PDGFD: variants seen among roughly 807,000 people sequenced by gnomAD.
PDGFD encodes platelet derived growth factor D.
PDGFD carries 30 observed loss-of-function variants against 44.7 expected under a neutral mutation model. The observed-to-expected ratio is 0.67, with a 90% CI of 0.50 to 0.91. The LOEUF (loss-of-function observed/expected upper bound fraction) is 0.91. PDGFD is among the 40% of genes least tolerant of loss of function. The pLI, the probability that PDGFD is intolerant of heterozygous loss-of-function variation, is 0.00. For synonymous variants in PDGFD, 173 were observed against 168.4 expected (o/e 1.03, Z -0.21); for missense variants, 445 against 457.8 (o/e 0.97, Z 0.25).
chr11:104,143,713 C>T (rs972338481), intron 1 of PDGFD, among the ~76,000 whole-genome samples: 27 of 152,328 alleles, frequency 1.8e-4, no homozygotes, highest in Admixed American at 1.6e-3. Flanking sequence ...ATACATCTAG[C>T]TGCCAAAGTG....
At chr11:103,923,238 T>C (rs1858251940) in intron 6 of PDGFD, among the ~76,000 whole-genome samples, 1 of 152,118 alleles carries the variant, frequency 6.6e-6, no homozygotes, top group African/African-American at 2.4e-5. Flanking sequence ...AATGATTGTT[T>C]AGAAAGAGGA....
At position 104,164,051 on chromosome 11, in the gene PDGFD, T is replaced by C; in HGVS notation, c.-124A>G. The C allele has an allele frequency of 8.9e-7, 1 of 1,124,642 alleles. No homozygotes were observed. Among genetic ancestry groups the C allele is most frequent in the Non-Finnish European group, 1.2e-6 (1 of 834,870 alleles). 69.7% of individuals were successfully genotyped at this position (1,124,642 alleles called of 1,614,324 possible). ...CGCCCTGCGCTGGCCCGGGTCGCTG[T>C]GCTAATCGCCGAGCTCTCCCCAAAC... is the stretch of plus-strand genomic sequence containing the variant. On this transcript the variant is annotated 5_prime_UTR_variant, in exon 1 of 7. Transcript: ENST00000393158.
At chr11:104,109,395 T>G (rs997784163) in intron 1 of PDGFD, among the ~76,000 whole-genome samples, 4 of 152,106 alleles carry the variant, frequency 2.6e-5, no homozygotes, top group African/African-American at 9.7e-5. Flanking sequence ...GTTACTGAAG[T>G]GATCAAATGA....
At chr11:104,028,425 T>A (rs1860078398) in intron 1 of PDGFD, among the ~76,000 whole-genome samples, 1 of 151,194 alleles carries the variant, frequency 6.6e-6, no homozygotes, top group Admixed American at 6.6e-5. Context: ...CTCTTTTCTG[T>A]TTTTGTTTTT....
rs1260396249 is a variant in PDGFD, at chr11:103,992,339, A to C, written c.510+3726T>G. Reference sequence around the variant, plus strand: ...ACATCCCAACTTCAACAAGCAGATAAGCGTGTATCTGGAGGAGACAGATAT... The same window carrying C: ...ACATCCCAACTTCAACAAGCAGATACGCGTGTATCTGGAGGAGACAGATAT... On this transcript the variant is annotated intron_variant, in intron 3 of 6. Coordinates refer to ENST00000393158, the MANE Select transcript of PDGFD (RefSeq NM_025208.5). Among the ~76,000 whole-genome samples the C allele has an allele frequency of 2.0e-5, 3 of 152,332 alleles. No individual in the cohort carries two copies. In the East Asian group the frequency reaches 5.8e-4, roughly 29 times the overall value.
In PDGFD at chr11:103,907,787, GA is replaced by G. The variant is rs1417390145; in HGVS notation, c.*1906del. The stretch of plus-strand genomic sequence containing the variant: ...CACAGGAAACTTGCAAAGCAGTTAT[GA>G]AGAGGAAGAGCGTTCTTAATTATTA... On this transcript the variant is annotated 3_prime_UTR_variant, in exon 7 of 7. Coordinates refer to ENST00000393158, the MANE Select transcript of PDGFD (RefSeq NM_025208.5). 6.6e-6 allele frequency: 1 copy of G among 152,186 alleles called. No individual in the cohort carries two copies. The highest frequency in any genetic ancestry group is 1.5e-5 in the Non-Finnish European group (1 of 68,036). 9.4% of individuals were successfully genotyped at this position (152,186 alleles called of 1,614,324 possible).
At chr11:104,037,447 G>A (rs764852474) in intron 1 of PDGFD, 2 of 1,614,102 alleles carry the variant, frequency 1.2e-6, no homozygotes, top group South Asian at 1.1e-5. Context: ...ACTGGATCGG[G>A]AAGCTCAGGC....
At chr11:104,106,454 T>C (rs140976088) in intron 1 of PDGFD, among the ~76,000 whole-genome samples, 15 of 152,282 alleles carry the variant, frequency 9.9e-5, no homozygotes, top group African/African-American at 3.6e-4. Flanking sequence ...TTTCTAAAAA[T>C]AGGCATCATT....
chr11:103,921,269 T>C (rs1309655420), intron 6 of PDGFD, among the ~76,000 whole-genome samples: 1 of 152,200 alleles, frequency 6.6e-6, no homozygotes, highest in Non-Finnish European at 1.5e-5. Context: ...TGACTTTTAT[T>C]ATGGTTAGGT....
chr11:104,000,003 C>CT, intron 2 of PDGFD, 48 bp downstream of exon 2: 2 of 1,491,058 alleles, frequency 1.3e-6, no homozygotes, highest in Non-Finnish European at 9.3e-7. Context: ...TCATCTTTTT[C>CT]TTTTTTCACC....
chr11:103,975,105 CCCA>C (rs1219600603), intron 3 of PDGFD, among the ~76,000 whole-genome samples: 4 of 152,338 alleles, frequency 2.6e-5, no homozygotes, highest in African/African-American at 9.6e-5. Flanking sequence ...AATTTACACT[CCCA>C]CCAACAGTGG....
At chr11:103,917,557 T>C (rs1262986486) in intron 6 of PDGFD, among the ~76,000 whole-genome samples, 1 of 152,212 alleles carries the variant, frequency 6.6e-6, no homozygotes, top group African/African-American at 2.4e-5. Context: ...AACAATTCTA[T>C]AGCATTTTAC....
intron 1 of PDGFD, among the ~76,000 whole-genome samples, chr11:104,089,930 G>A (rs1211973692): frequency 6.6e-6 from 1 of 152,038 alleles, no homozygotes; most frequent in Non-Finnish European, 1.5e-5. Context: ...AGAGATTTGA[G>A]AGCCAGTTCC....
intron 1 of PDGFD, among the ~76,000 whole-genome samples, chr11:104,132,444 C>T (rs925419647): frequency 3.3e-5 from 5 of 151,994 alleles, no homozygotes; most frequent in Admixed American, 6.5e-5. Flanking sequence ...TCTTAATGAC[C>T]TCTCTTTGGG....
chr11:104,025,106 G>A (rs954635558), intron 1 of PDGFD, among the ~76,000 whole-genome samples: 5 of 152,220 alleles, frequency 3.3e-5, no homozygotes, highest in African/African-American at 1.2e-4. Flanking sequence ...CAAAGCCCAT[G>A]CCCTTAGGGC....
At chr11:103,976,289 T>C (rs1379113866) in intron 3 of PDGFD, among the ~76,000 whole-genome samples, 3 of 152,128 alleles carry the variant, frequency 2.0e-5, no homozygotes, top group African/African-American at 7.2e-5. Flanking sequence ...TTTCTCTTTG[T>C]AGCGATTGTG....
At position 104,031,907 on chromosome 11, in the gene PDGFD, G is replaced by A. The variant is rs115245601; in HGVS notation, c.125-31652C>T. On this transcript the variant is annotated intron_variant, in intron 1 of 6. Transcript: ENST00000393158. ...CTCATACAGGAACAGAAAGCCAAAC[G>A]TCTCATGTTCTCATTTATAAGTGGG... Among the ~76,000 whole-genome samples the A allele has an allele frequency of 8.8e-3, 1,345 of 152,208 alleles. 25 individuals carry two copies. Among genetic ancestry groups the A allele is most frequent in the African/African-American group, 0.03 (1,231 of 41,512 alleles).
rs1049220627 is a variant in PDGFD, at chr11:103,996,188, T to C, written c.387A>G (p.Arg129=). The change falls in exon 3 of 7, where the codon CGA becomes CGG. Residue 129 remains arginine, a synonymous_variant. Transcript: ENST00000393158. ...ISETSTIIRG[R]WCGHKEVPPR... Reference sequence around the variant, plus strand: ...GAGGAACTTCCTTGTGTCCACACCATCGTCCTCTAATAATGGTACTGGTTT... The same window carrying C: ...GAGGAACTTCCTTGTGTCCACACCACCGTCCTCTAATAATGGTACTGGTTT... 5.0e-6 allele frequency: 8 copies of C among 1,613,392 alleles called. No individual in the cohort carries two copies. The Admixed American group carries it at 1.2e-4, about 24-fold the overall frequency.
chr11:104,129,600 A>C (rs1861887876), intron 1 of PDGFD, among the ~76,000 whole-genome samples: 1 of 152,160 alleles, frequency 6.6e-6, no homozygotes. Flanking sequence ...AGCAGGGTGC[A>C]AAAATTGCCA....
Sources: gnomAD v4.1 joint callset for allele counts (sites outside exome capture counted in the v4.1 genomes callset) on GRCh38, gnomAD v4.1.1 for gene constraint, MANE v1.5 for transcripts, NCBI Gene and HGNC (gene_info 2026-07-23, HGNC 2026-07-21) for gene names.